SMC5: variants seen among roughly 807,000 people sequenced by gnomAD.
SMC5 encodes structural maintenance of chromosomes protein 5.
In SMC5, 88 loss-of-function variants were observed where a neutral mutation model predicts 148.3. The ratio of observed to expected loss-of-function variants is 0.59; its 90% confidence interval spans 0.50 to 0.71. SMC5 has a LOEUF of 0.71. Ranked by LOEUF, SMC5 falls within the 30% of genes least tolerant of loss-of-function variation. The pLI, the probability that SMC5 is intolerant of heterozygous loss-of-function variation, is 0.00. For missense variants in SMC5, 1,142 were observed against 1,298.9 expected (o/e 0.88, Z 1.86); for synonymous variants, 421 against 432.8 (o/e 0.97, Z 0.34).
intron 7 of SMC5, among the ~76,000 whole-genome samples, chr9:70,285,005 G>A (rs1039102081): frequency 1.3e-5 from 2 of 151,792 alleles, no homozygotes; most frequent in Non-Finnish European, 1.5e-5. Context: ...TCAGCAAATC[G>A]TTTAGTCTCT....
intron 17 of SMC5, among the ~76,000 whole-genome samples, chr9:70,333,525 G>A (rs542322136): frequency 3.4e-4 from 52 of 152,088 alleles, no homozygotes; most frequent in Non-Finnish European, 6.0e-4. Flanking sequence ...GAGGTCAGGA[G>A]TTTGAGATCA....
At chr9:70,335,580 CA>C (rs1172358138) in intron 17 of SMC5, among the ~76,000 whole-genome samples, 1 of 152,056 alleles carries the variant, frequency 6.6e-6, no homozygotes, top group Non-Finnish European at 1.5e-5. Context: ...TACTCTGCCA[CA>C]ATAAGAAATG....
At chr9:70,295,971 T>C (rs73454769) in intron 8 of SMC5, among the ~76,000 whole-genome samples, 1,807 of 152,300 alleles carry the variant, frequency 0.012, 25 homozygotes, top group African/African-American at 0.04. Context: ...CATTGAACAT[T>C]GTTAATGTTC....
At chr9:70,301,945 A>T (rs1160781103) in intron 10 of SMC5, among the ~76,000 whole-genome samples, 2 of 152,244 alleles carry the variant, frequency 1.3e-5, no homozygotes. Flanking sequence ...ACCTATCTTT[A>T]TCTTGCTACT....
At chr9:70,286,127 G>T in intron 7 of SMC5, 73 bp from the exon 8 acceptor site, 1 of 887,282 alleles carries the variant, frequency 1.1e-6, no homozygotes, top group Non-Finnish European at 1.9e-6. Flanking sequence ...TATTTGAATG[G>T]GCAGGGCCAT....
chr9:70,268,460 C>G (rs945098501), intron 3 of SMC5, among the ~76,000 whole-genome samples: 1 of 149,152 alleles, frequency 6.7e-6, no homozygotes, highest in Non-Finnish European at 1.5e-5. Flanking sequence ...CCCTGCCCCC[C>G]CCAAAAAAAA....
At chr9:70,303,567 A>G (rs1256058160) in intron 10 of SMC5, among the ~76,000 whole-genome samples, 2 of 152,188 alleles carry the variant, frequency 1.3e-5, no homozygotes, top group African/African-American at 2.4e-5. Context: ...ATGGTATTCT[A>G]TAATTTAAAA....
chr9:70,277,144 T>G (rs1374923029), intron 3 of SMC5, among the ~76,000 whole-genome samples, 166 bp from the exon 4 acceptor site: 1 of 152,168 alleles, frequency 6.6e-6, no homozygotes, highest in Non-Finnish European at 1.5e-5. Flanking sequence ...TTATGACTAA[T>G]AAAATGCCAA....
chr9:70,351,146 G>A lies in SMC5; in HGVS notation c.3165+675G>A, dbSNP rs139298064. ...GCAGGTGGATCACTTGAGCCCAGGA[G>A]TTCAAGACCAGCCTGGGCAACATGG... On this transcript the variant is annotated intron_variant, in intron 24 of 24. Coordinates refer to ENST00000361138, the MANE Select transcript of SMC5 (RefSeq NM_015110.4). Among the ~76,000 whole-genome samples, 595 of 152,106 alleles carry A rather than the reference G, an allele frequency of 3.9e-3. 2 individuals carry two copies. The highest frequency in any genetic ancestry group is 0.013 in the African/African-American group (549 of 41,482).
intron 2 of SMC5, among the ~76,000 whole-genome samples, chr9:70,266,079 G>GTT (rs2034283510): frequency 1.3e-5 from 2 of 151,990 alleles, no homozygotes; most frequent in South Asian, 4.1e-4. Context: ...ATTTCTAAAA[G>GTT]TTAATTGTAT....
intron 17 of SMC5, among the ~76,000 whole-genome samples, chr9:70,336,600 C>T (rs1477901544): frequency 6.6e-6 from 1 of 152,200 alleles, no homozygotes; most frequent in African/African-American, 2.4e-5. Context: ...AGGAGAGCCT[C>T]ATCAGGGCTT....
chr9:70,278,950 G>C (rs1433681238), intron 5 of SMC5, among the ~76,000 whole-genome samples: 3 of 152,130 alleles, frequency 2.0e-5, no homozygotes, highest in African/African-American at 7.2e-5. Flanking sequence ...CTATGTGCCA[G>C]GCACTGTGTA....
chr9:70,286,301 A>G (rs376743322), intron 8 of SMC5, 30 bp downstream of exon 8: 5 of 1,416,638 alleles, frequency 3.5e-6, no homozygotes, highest in Middle Eastern at 1.8e-4. Flanking sequence ...TTTTTATTAC[A>G]TTAAAGTTTG....
At chr9:70,262,027 T>A (rs1205424753) in intron 1 of SMC5, among the ~76,000 whole-genome samples, 1 of 151,904 alleles carries the variant, frequency 6.6e-6, no homozygotes, top group Non-Finnish European at 1.5e-5. Flanking sequence ...AGTGCAGAGG[T>A]TGGTGAGATG....
chr9:70,330,777 C>T (rs1319992646), intron 17 of SMC5, among the ~76,000 whole-genome samples: 1 of 152,004 alleles, frequency 6.6e-6, no homozygotes, highest in Non-Finnish European at 1.5e-5. Context: ...CTCCTGACCT[C>T]AGGTTATCCA....
intron 3 of SMC5, among the ~76,000 whole-genome samples, chr9:70,269,768 A>G (rs1411898137): frequency 6.6e-6 from 1 of 152,170 alleles, no homozygotes; most frequent in Non-Finnish European, 1.5e-5. Context: ...TTTGTCTACC[A>G]CATGTTGAAG....
chr9:70,271,339 C>T (rs144796438), intron 3 of SMC5, among the ~76,000 whole-genome samples: 2 of 152,188 alleles, frequency 1.3e-5, no homozygotes, highest in Non-Finnish European at 2.9e-5. Context: ...AGTATATAAA[C>T]GTCAAGCACT....
chr9:70,352,421 C>G lies in SMC5; in HGVS notation c.*90C>G, dbSNP rs867577540. 1.5e-6 allele frequency: 2 copies of G among 1,315,638 alleles called. No individual in the cohort carries two copies. The highest frequency in any genetic ancestry group is 2.9e-5 in the African/African-American group (2 of 67,996). The allele number at this position is 1,315,638 out of a possible 1,614,324, so 81.5% of individuals were successfully genotyped here. On this transcript the variant is annotated 3_prime_UTR_variant, in exon 25 of 25. Transcript: ENST00000361138. ...CTGAATAAAAGGAGATTCACTAAAA[C>G]GAAAAGCAGTTATTTTTGGAAACCT...
At chr9:70,328,424 C>T (rs973624976) in intron 17 of SMC5, among the ~76,000 whole-genome samples, 4 of 152,180 alleles carry the variant, frequency 2.6e-5, no homozygotes, top group South Asian at 2.1e-4. Flanking sequence ...TCAGCCAAAA[C>T]GAAGGAACTA....
Sources: gnomAD v4.1 joint callset for allele counts (sites outside exome capture counted in the v4.1 genomes callset) on GRCh38, gnomAD v4.1.1 for gene constraint, MANE v1.5 for transcripts, NCBI Gene and HGNC (gene_info 2026-07-23, HGNC 2026-07-21) for gene names.